Variants in RASA2 observed in about 807,000 individuals in gnomAD.
RASA2 encodes the protein ras GTPase-activating protein 2.
A neutral mutation model predicts 118.2 loss-of-function variants in RASA2; 155 were observed. The observed-to-expected ratio is 1.31, with a 90% confidence interval of 1.15 to 1.50. The LOEUF is 1.50. Among genes scored for constraint, RASA2 ranks in the 40% most tolerant of loss-of-function variants. RASA2 has a pLI of 0.00. For synonymous variants in RASA2, 353 were observed against 349.1 expected, an observed-to-expected ratio of 1.01 and a Z score of -0.12; for missense variants, 1,016 against 1,009.6, an observed-to-expected ratio of 1.01 and a Z score of -0.09.
intron 3 of RASA2, among the ~76,000 whole-genome samples, chr3:141,519,745 T>G (rs1043571175): frequency 6.6e-6 from 1 of 152,168 alleles, no homozygotes; most frequent in Non-Finnish European, 1.5e-5. Context: ...AGCTGTATCC[T>G]CAATTCAGTT....
At chr3:141,558,312 T>G (rs2082678771) in intron 7 of RASA2, among the ~76,000 whole-genome samples, 1 of 152,156 alleles carries the variant, frequency 6.6e-6, no homozygotes, top group African/African-American at 2.4e-5. Flanking sequence ...GAAGAATAAT[T>G]TATCTATAGA....
chr3:141,491,025 T>C (rs7643837), intron 1 of RASA2, among the ~76,000 whole-genome samples: 71,991 of 152,134 alleles, frequency 0.47, 18,511 homozygotes, highest in African/African-American at 0.69. Context: ...TCTTGTCCAA[T>C]GTATACTGGA....
At chr3:141,508,462 C>T (rs909561974) in intron 1 of RASA2, among the ~76,000 whole-genome samples, 1 of 151,904 alleles carries the variant, frequency 6.6e-6, no homozygotes, top group Non-Finnish European at 1.5e-5. Flanking sequence ...ACTGCAACTC[C>T]CATCCCCTGG....
chr3:141,610,342 TATATA>T (rs2083619838), intron 23 of RASA2, among the ~76,000 whole-genome samples: 2 of 128,632 alleles, frequency 1.6e-5, no homozygotes, highest in Non-Finnish European at 3.2e-5. Context: ...ATATATTTTA[TATATA>T]TTTATATTTA....
At chr3:141,510,691 A>C (rs548465916) in intron 1 of RASA2, among the ~76,000 whole-genome samples, 1 of 152,330 alleles carries the variant, frequency 6.6e-6, no homozygotes, top group South Asian at 2.1e-4. Context: ...TCGCCATTGA[A>C]GATATCTAGG....
At chr3:141,579,184 TA>T (rs2083060642) in intron 15 of RASA2, among the ~76,000 whole-genome samples, 1 of 152,192 alleles carries the variant, frequency 6.6e-6, no homozygotes, top group African/African-American at 2.4e-5. Context: ...TTTCTGTATC[TA>T]AATTTTTCTG....
At chr3:141,607,823 T>C in intron 20 of RASA2, 63 bp downstream of exon 20, 1 of 1,442,072 alleles carries the variant, frequency 6.9e-7, no homozygotes, top group Admixed American at 2.8e-5. Context: ...AGTATTTGTA[T>C]TTCGAGGTAT....
At chr3:141,603,673 C>T (rs529216080) in intron 19 of RASA2, among the ~76,000 whole-genome samples, 7 of 152,218 alleles carry the variant, frequency 4.6e-5, no homozygotes, top group African/African-American at 1.2e-4. Context: ...CATAGTGTTG[C>T]GCAATTGCCA....
intron 2 of RASA2, 107 bp from the exon 3 acceptor site, chr3:141,516,216 TAAAAA>T (rs1359096863): frequency 1.4e-6 from 1 of 706,624 alleles, no homozygotes; most frequent in African/African-American, 1.9e-5. Context: ...ATATATATAT[TAAAAA>T]AAGAAAGTGA....
chr3:141,586,730 G>C lies in RASA2; in HGVS notation c.1911G>C (p.Glu637Asp), dbSNP rs1163460729. 1 of 1,612,972 alleles carries C rather than the reference G, an allele frequency of 6.2e-7. No homozygotes were observed. Among genetic ancestry groups the C allele is most frequent in the South Asian group, 1.1e-5 (1 of 91,038 alleles). ...KKRWFCLTSR[E>D]LTYHKQPGKD... Reference sequence around the variant, plus strand: ...GATGGTTCTGCTTAACAAGCAGAGAGCTCACCTACCACAAACAGCCAGGTA... The same window carrying C: ...GATGGTTCTGCTTAACAAGCAGAGACCTCACCTACCACAAACAGCCAGGTA... The change falls in exon 19 of 24, where the codon GAG (glutamate) becomes GAC (aspartate). Residue 637 changes from glutamate to aspartate, a missense_variant. Glu to Asp is a conservative substitution (Grantham distance 45, BLOSUM62 2). Coordinates refer to ENST00000286364, the MANE Select transcript of RASA2 (RefSeq NM_006506.5).
At chr3:141,533,360 T>C (rs999637841) in intron 4 of RASA2, among the ~76,000 whole-genome samples, 1 of 152,192 alleles carries the variant, frequency 6.6e-6, no homozygotes, top group African/African-American at 2.4e-5. Flanking sequence ...GAGGGAGAGA[T>C]GCTTGTTTCC....
chr3:141,532,925 T>C (rs2082279426), intron 4 of RASA2, among the ~76,000 whole-genome samples: 2 of 152,156 alleles, frequency 1.3e-5, no homozygotes, highest in South Asian at 4.1e-4. Flanking sequence ...TTTCATGAAG[T>C]GAATAATGTT....
At chr3:141,554,415 T>C (rs1192503677) in intron 6 of RASA2, among the ~76,000 whole-genome samples, 1 of 152,200 alleles carries the variant, frequency 6.6e-6, no homozygotes, top group African/African-American at 2.4e-5. Flanking sequence ...ATTCCAACTG[T>C]AGAAAAACTG....
rs1212938702 is a variant in RASA2 at position 141,613,816 on chromosome 3, C to T, written c.*1503C>T. 2.6e-5 allele frequency: 4 copies of T among 152,106 alleles called. No individual in the cohort carries two copies. 9.4% of individuals were successfully genotyped at this position (152,106 alleles called of 1,614,324 possible). A position where few individuals can be genotyped will look rare whatever the true frequency, so the allele number is the denominator to read the frequency against. ...AAAGTTGTTCCATAAAAGAATATAA[C>T]TGAGCAATGTATTTCTCTAAATGAC... On this transcript the variant is annotated 3_prime_UTR_variant, in exon 24 of 24. Transcript: ENST00000286364.
chr3:141,607,831 T>C, intron 20 of RASA2, 71 bp downstream of exon 20: 1 of 1,409,748 alleles, frequency 7.1e-7, no homozygotes, highest in Non-Finnish European at 9.3e-7. Flanking sequence ...TATTTCGAGG[T>C]ATTTGTTAAT....
At chr3:141,605,817 T>C (rs1242858376) in intron 19 of RASA2, among the ~76,000 whole-genome samples, 1 of 151,626 alleles carries the variant, frequency 6.6e-6, no homozygotes, top group East Asian at 1.9e-4. Flanking sequence ...CCTACTTGAG[T>C]GTTGAGTAGC....
chr3:141,540,483 T>G (rs774063547), intron 4 of RASA2, 50 bp from the exon 5 acceptor site: 20 of 1,456,312 alleles, frequency 1.4e-5, no homozygotes, highest in Non-Finnish European at 1.7e-5. Context: ...ACCTTTAATA[T>G]TTTGTCAGTA....
chr3:141,610,593 C>G (rs988195452), intron 23 of RASA2, among the ~76,000 whole-genome samples: 27 of 149,682 alleles, frequency 1.8e-4, no homozygotes, highest in African/African-American at 6.2e-4. Context: ...TGGGCTCAAG[C>G]GATCCTCCCA....
intron 17 of RASA2, 136 bp from the exon 18 acceptor site, chr3:141,585,889 G>GTTTTATAAATT (rs895285078): frequency 5.3e-5 from 28 of 530,130 alleles, no homozygotes; most frequent in Non-Finnish European, 8.5e-5. Flanking sequence ...TATGTGTTTT[G>GTTTTATAAATT]TTTTATAAAT....
Sources: allele counts gnomAD v4.1 joint callset (sites outside exome capture counted in the v4.1 genomes callset), GRCh38; gene constraint gnomAD v4.1.1; transcripts MANE v1.5; gene names NCBI Gene and HGNC (gene_info 2026-07-23, HGNC 2026-07-21).